KCTD1: variants seen among roughly 807,000 people sequenced by gnomAD.
The protein encoded by KCTD1 is BTB/POZ domain-containing protein KCTD1.
Under a neutral mutation model 66.0 loss-of-function variants are expected in KCTD1, and 24 were observed. The ratio of observed to expected loss-of-function variants is 0.36; its 90% confidence interval spans 0.26 to 0.51. KCTD1 has a LOEUF of 0.51. Ranked by LOEUF, KCTD1 falls within the 20% of genes least tolerant of loss-of-function variation. The pLI is 0.95. For synonymous variants in KCTD1, 511 were observed against 517.2 expected (o/e 0.99, Z 0.16); for missense variants, 943 against 1,205.2 (o/e 0.78, Z 3.22).
intron 1 of KCTD1, among the ~76,000 whole-genome samples, chr18:26,580,755 T>C (rs1986334206): frequency 6.6e-6 from 1 of 152,220 alleles, no homozygotes; most frequent in South Asian, 2.1e-4. Flanking sequence ...GGATGTATTA[T>C]ATTTTACATT....
intron 1 of KCTD1, among the ~76,000 whole-genome samples, chr18:26,572,063 GTT>G (rs1049877615): frequency 1.4e-5 from 2 of 139,864 alleles, no homozygotes; most frequent in African/African-American, 2.6e-5. Context: ...TGTTGTTGTT[GTT>G]TTTTTTTTTT....
intron 1 of KCTD1, among the ~76,000 whole-genome samples, chr18:26,623,252 T>A (rs1987428098): frequency 6.6e-6 from 1 of 152,226 alleles, no homozygotes. Flanking sequence ...ATGCCATCAC[T>A]CAGAATCTTC....
intron 1 of KCTD1, among the ~76,000 whole-genome samples, chr18:26,562,427 G>C (rs1398353865): frequency 6.7e-6 from 1 of 149,728 alleles, no homozygotes; most frequent in Non-Finnish European, 1.5e-5. Context: ...GAAGCCCGGT[G>C]GGGGGTGGGG....
At chr18:26,498,214 A>G (rs1278543348) in intron 2 of KCTD1, among the ~76,000 whole-genome samples, 1 of 152,068 alleles carries the variant, frequency 6.6e-6, no homozygotes, top group Non-Finnish European at 1.5e-5. Flanking sequence ...ATGAATCACA[A>G]ATTATTTTTG....
chr18:26,623,069 G>A (rs996312481), intron 1 of KCTD1, among the ~76,000 whole-genome samples: 5 of 152,032 alleles, frequency 3.3e-5, no homozygotes, highest in Non-Finnish European at 7.4e-5. Flanking sequence ...TTTAATGTCT[G>A]GTCTCGGCCT....
chr18:26,564,160 A>C (rs1243162030), intron 1 of KCTD1, among the ~76,000 whole-genome samples: 1 of 151,952 alleles, frequency 6.6e-6, no homozygotes, highest in Non-Finnish European at 1.5e-5. Context: ...GTATCCATTC[A>C]TTTTTTGCAC....
Position 26,547,505 on chromosome 18 carries a change from C to A in KCTD1, c.1032G>T (p.Lys344Asn), listed in dbSNP as rs1391190899. 1.1e-5 allele frequency: 17 copies of A among 1,551,570 alleles called. No homozygotes were observed. The highest frequency in any genetic ancestry group is 2.4e-5 in the South Asian group (2 of 84,070). Residue 344 changes from lysine (K) to asparagine (N), a missense_variant, in exon 1 of 5, where the codon AAG becomes AAT. By Grantham distance (94) the Lys-to-Asn change is moderately conservative (BLOSUM62 0). This residue lies in a region of KCTD1 where 66 missense variants were observed against 61.6 expected (regional missense o/e 1.07). Coordinates refer to ENST00000580059, the MANE Select transcript of KCTD1 (RefSeq NM_001142730.3). ...GCCCGAGGGACTTGAAGTAGACGAACTTGCGACCGTCCTCGTCCATGGCCA... is the reference window on the plus strand; with the variant it reads ...GCCCGAGGGACTTGAAGTAGACGAAATTGCGACCGTCCTCGTCCATGGCCA... The part of the protein sequence containing the change: ...FGLAMDEDGR[K>N]FVYFKSLGPY...
At chr18:26,574,648 T>G (rs1486774484) in intron 1 of KCTD1, among the ~76,000 whole-genome samples, 1 of 152,226 alleles carries the variant, frequency 6.6e-6, no homozygotes, top group Non-Finnish European at 1.5e-5. Flanking sequence ...TAGACAGCAT[T>G]TTAATGTACT....
In KCTD1 at chr18:26,476,324, C is replaced by T. The variant is rs1001352161; in HGVS notation, c.2133+191G>A. On this transcript the variant is annotated intron_variant, in intron 3 of 4. Transcript: ENST00000580059. The surrounding 1 kb of genome is among the most constrained non-coding windows in gnomAD (Gnocchi z 4.9). Reference sequence around the variant, plus strand: ...ATAATTCAATTCTTTAAATGAAAAGCGATCCTCTTTAAGTCATGTAGAAGT... The same window carrying T: ...ATAATTCAATTCTTTAAATGAAAAGTGATCCTCTTTAAGTCATGTAGAAGT... 1.3e-5 allele frequency among the ~76,000 whole-genome samples: 2 copies of T among 152,144 alleles called. No individual in the cohort carries two copies. The highest frequency in any genetic ancestry group is 1.5e-5 in the Non-Finnish European group (1 of 68,024).
intron 3 of KCTD1, among the ~76,000 whole-genome samples, chr18:26,472,938 A>G (rs1180907574): frequency 6.6e-6 from 1 of 152,188 alleles, no homozygotes; most frequent in African/African-American, 2.4e-5. Flanking sequence ...AAACCCAATC[A>G]GTCCCCTTGA....
At chr18:26,473,150 A>C (rs1180076673) in intron 3 of KCTD1, among the ~76,000 whole-genome samples, 1 of 152,208 alleles carries the variant, frequency 6.6e-6, no homozygotes, top group Non-Finnish European at 1.5e-5. Flanking sequence ...AAAAAACTGT[A>C]TATACTATAT....
intron 4 of KCTD1, 34 bp from the exon 5 acceptor site, chr18:26,455,935 G>A (rs745849857): frequency 7.5e-6 from 12 of 1,603,750 alleles, no homozygotes; most frequent in South Asian, 1.1e-5. Flanking sequence ...CCAGTTAGGG[G>A]TGAGGTAAGT....
intron 1 of KCTD1, chr18:26,543,308 A>G (rs1384963093): frequency 5.3e-5 from 8 of 152,260 alleles, no homozygotes. Context: ...AACCATGGCA[A>G]GAAGTCTTGT....
chr18:26,633,618 A>AACTTGT (rs2145049836), upstream of KCTD1, among the ~76,000 whole-genome samples: 1 of 152,330 alleles, frequency 6.6e-6, no homozygotes, highest in African/African-American at 2.4e-5. Flanking sequence ...TTGTAACCCA[A>AACTTGT]ACTGCAAAGA....
At chr18:26,566,233 T>C (rs1173349914) in intron 1 of KCTD1, 1 of 152,244 alleles carries the variant, frequency 6.6e-6, no homozygotes, top group Non-Finnish European at 1.5e-5. Context: ...ATTTTCTTCT[T>C]GAAATTCCAA....
chr18:26,656,535 C>T (rs903036833), intron 1 of KCTD1, among the ~76,000 whole-genome samples: 2 of 151,792 alleles, frequency 1.3e-5, no homozygotes, highest in Non-Finnish European at 2.9e-5. Context: ...CTGGACCAGC[C>T]CGGCCGGCGA....
At chr18:26,618,933 T>C (rs1218023627) in intron 1 of KCTD1, among the ~76,000 whole-genome samples, 1 of 152,196 alleles carries the variant, frequency 6.6e-6, no homozygotes, top group Non-Finnish European at 1.5e-5. Flanking sequence ...TAGTTGGCAT[T>C]TTACAGTCCT....
intron 1 of KCTD1, among the ~76,000 whole-genome samples, chr18:26,576,359 G>C (rs1432813307): frequency 6.6e-6 from 1 of 152,114 alleles, no homozygotes; most frequent in African/African-American, 2.4e-5. Context: ...CTACTCCCTT[G>C]CTGAGATTTG....
At chr18:26,632,392 T>A (rs1206928580), upstream of KCTD1, among the ~76,000 whole-genome samples, 1 of 151,844 alleles carries the variant, frequency 6.6e-6, no homozygotes, top group East Asian at 1.9e-4. Flanking sequence ...TCTTAAAAAA[T>A]AATAATAAAA....
Sources: gnomAD v4.1 joint callset for allele counts (sites outside exome capture counted in the v4.1 genomes callset) on GRCh38, gnomAD v4.1.1 for gene constraint, gnomAD v4.1.1 regional missense constraint, Gnocchi (gnomAD v3.1) non-coding constraint, MANE v1.5 for transcripts, NCBI Gene and HGNC (gene_info 2026-07-23, HGNC 2026-07-21) for gene names.